Variants in ADGRA2 observed in about 807,000 individuals in gnomAD.
ADGRA2 encodes the protein adhesion G protein-coupled receptor A2.
A neutral mutation model predicts 98.7 loss-of-function variants in ADGRA2; 61 were observed. That is an observed-to-expected ratio of 0.62 (90% CI 0.50 to 0.76). The LOEUF is 0.76. Ranked by LOEUF, ADGRA2 falls within the 30% of genes least tolerant of loss-of-function variation. The probability of loss-of-function intolerance (pLI) is 0.00; values close to 1 mark genes in which losing one functional copy is unlikely to be tolerated. For missense variants in ADGRA2, 1,712 were observed against 1,860.0 expected (o/e 0.92, Z 1.46); for synonymous variants, 858 against 831.5 (o/e 1.03, Z -0.55).
At position 37,802,991 on chromosome 8, in the gene ADGRA2, T is replaced by C. The variant is rs181587672; in HGVS notation, c.266+5457T>C. On this transcript the variant is annotated intron_variant, in intron 1 of 18. Transcript: ENST00000412232. This position sits in a 1 kb window ranked among gnomAD's most constrained non-coding sequence, Gnocchi z 4.7. ...TCCTGAAGCCACCGAAGTCCCTGCC[T>C]GCTGGCTACCACGGCTCTCCCCTCT... Among the ~76,000 whole-genome samples the C allele has an allele frequency of 6.6e-6, 1 of 152,296 alleles. No homozygotes were observed. The highest frequency in any genetic ancestry group is 2.4e-5 in the African/African-American group (1 of 41,552).
At position 37,797,632 on chromosome 8, in the gene ADGRA2, C is replaced by G; in HGVS notation, c.266+98C>G. 1.8e-6 allele frequency: 2 copies of G among 1,133,950 alleles called. No individual in the cohort carries two copies. The highest frequency in any genetic ancestry group is 3.2e-5 in the East Asian group (1 of 31,188). 70.2% of individuals were successfully genotyped at this position (1,133,950 alleles called of 1,614,324 possible). On this transcript the variant is annotated intron_variant, in intron 1 of 18. Coordinates refer to ENST00000412232, the MANE Select transcript of ADGRA2 (RefSeq NM_032777.10). The surrounding 1 kb of genome is among the most constrained non-coding windows in gnomAD (Gnocchi z 5.3). ...GAGCAGGGGGAAGGGGGCTATCCCC[C>G]CACTTCAGAGATTTCTGGACAGGCC...
rs57065321 is a variant in ADGRA2 at position 37,839,337 on chromosome 8, T to C, written c.2388-162T>C. On this transcript the variant is annotated intron_variant, in intron 15 of 18. Coordinates refer to ENST00000412232, the MANE Select transcript of ADGRA2 (RefSeq NM_032777.10). ...CTCACCCATTGGGGTTGGAATCACT[T>C]TGAGGGGTTAAGGACTCCCTACCCT... 1.3e-3 allele frequency: 1,114 copies of C among 877,574 alleles called. 13 individuals carry two copies. In the African/African-American group the frequency reaches 0.019, roughly 15 times the overall value. 54.4% of individuals were successfully genotyped at this position (877,574 alleles called of 1,614,324 possible). A position where few individuals can be genotyped will look rare whatever the true frequency, so the allele number is the denominator to read the frequency against.
intron 1 of ADGRA2, among the ~76,000 whole-genome samples, chr8:37,808,580 G>C (rs1804742822): frequency 6.6e-6 from 1 of 151,926 alleles, no homozygotes; most frequent in African/African-American, 2.4e-5. Context: ...GTGTGTGTGT[G>C]TGTGTGTGCA....
rs913163300 is a variant in ADGRA2 at position 37,840,031 on chromosome 8, G to T, written c.2512-90G>T. On this transcript the variant is annotated intron_variant, in intron 16 of 18. Transcript: ENST00000412232. ...TAAAAAAGCTGGGGGCCGGAGGCTG[G>T]AAGCCTGGGAGGACACCAGCAGGAC... 7 of 1,262,686 alleles carry T rather than the reference G, an allele frequency of 5.5e-6. No homozygotes were observed. In the African/African-American group the frequency reaches 1.0e-4, roughly 19 times the overall value. The allele number at this position is 1,262,686 out of a possible 1,614,324, so 78.2% of individuals were successfully genotyped here. A position where few individuals can be genotyped will look rare whatever the true frequency, so the allele number is the denominator to read the frequency against.
At chr8:37,817,181 G>A (rs1287574810) in intron 2 of ADGRA2, among the ~76,000 whole-genome samples, 1 of 152,210 alleles carries the variant, frequency 6.6e-6, no homozygotes, top group East Asian at 1.9e-4. Flanking sequence ...GGAGGAAAGA[G>A]TGATGGCCTG....
At chr8:37,810,048 G>A (rs1804781867) in intron 1 of ADGRA2, among the ~76,000 whole-genome samples, 1 of 152,174 alleles carries the variant, frequency 6.6e-6, no homozygotes, top group African/African-American at 2.4e-5. Context: ...GAATAGAGTA[G>A]TAGGACATTC....
In ADGRA2 at chr8:37,842,167, C is replaced by T. The variant is rs1471715487; in HGVS notation, c.3829C>T (p.Arg1277Cys). Residue 1277 changes from arginine (R) to cysteine (C), a missense_variant, in exon 19 of 19, where the codon CGC becomes TGC. Physicochemically the swap from Arg to Cys is radical, Grantham distance 180. Coordinates refer to ENST00000412232, the MANE Select transcript of ADGRA2 (RefSeq NM_032777.10). ...GGCAGGCCAGCGCCGCAGCGCCAGC[C>T]GCGACAGTCTCAAGGGCGGCGGCGC... is the stretch of plus-strand genomic sequence containing the variant. Reference protein sequence around the residue: ...GRAGQRRSASRDSLKGGGALE... With the variant: ...GRAGQRRSASCDSLKGGGALE... 3.3e-6 allele frequency: 5 copies of T among 1,529,630 alleles called. No individual in the cohort carries two copies. Among genetic ancestry groups the T allele is most frequent in the Non-Finnish European group, 4.4e-6 (5 of 1,141,280 alleles). 94.8% of individuals were successfully genotyped at this position (1,529,630 alleles called of 1,614,324 possible). A position where few individuals can be genotyped will look rare whatever the true frequency, so the allele number is the denominator to read the frequency against.
chr8:37,797,240 G>A lies in ADGRA2; in HGVS notation c.-29G>A, dbSNP rs367635316. 3.5e-4 allele frequency: 435 copies of A among 1,230,804 alleles called. 8 individuals carry two copies. In the East Asian group the frequency reaches 0.012, roughly 33 times the overall value. The allele number at this position is 1,230,804 out of a possible 1,614,324, so 76.2% of individuals were successfully genotyped here. ...GGCCGGCGCGCAGCCCGGCCCCAGC[G>A]CTGTGGGTCCCCGCGGGGCGATGGG... On this transcript the variant is annotated 5_prime_UTR_variant, in exon 1 of 19. Transcript: ENST00000412232. This position sits in a 1 kb window ranked among gnomAD's most constrained non-coding sequence, Gnocchi z 5.3.
At chr8:37,840,354 T>A in intron 17 of ADGRA2, 88 bp downstream of exon 17, 1 of 1,406,004 alleles carries the variant, frequency 7.1e-7, no homozygotes, top group Non-Finnish European at 9.9e-7. Context: ...AGGGTGAGTC[T>A]AAGGTCCCTG....
Position 37,829,074 on chromosome 8 carries a change from C to T in ADGRA2, c.410+115C>T, listed in dbSNP as rs113393884. The T allele has an allele frequency of 3.6e-5, 30 of 834,094 alleles. 2 individuals carry two copies. The African/African-American group carries it at 3.8e-4, about 10-fold the overall frequency. The allele number at this position is 834,094 out of a possible 1,614,324, so 51.7% of individuals were successfully genotyped here. A position where few individuals can be genotyped will look rare whatever the true frequency, so the allele number is the denominator to read the frequency against. ...CCCCCCCACACCTGCCCCTCCTTTCCGCTTGGGTGCCTTGGCTGGGGTCAA... is the reference window on the plus strand; with the variant it reads ...CCCCCCCACACCTGCCCCTCCTTTCTGCTTGGGTGCCTTGGCTGGGGTCAA... On this transcript the variant is annotated intron_variant, in intron 3 of 18. Coordinates refer to ENST00000412232, the MANE Select transcript of ADGRA2 (RefSeq NM_032777.10).
At position 37,834,094 on chromosome 8, in the gene ADGRA2, C is replaced by G. The variant is rs774475444; in HGVS notation, c.1574C>G (p.Ala525Gly). Residue 525 changes from alanine to glycine, a missense_variant, in exon 11 of 19, where the codon GCC becomes GGC. Physicochemically the swap from Ala to Gly is moderately conservative, Grantham distance 60. Transcript: ENST00000412232. The surrounding 1 kb of genome is among the most constrained non-coding windows in gnomAD (Gnocchi z 4.2). Reference protein sequence around the residue: ...IVGALERIGGAALSPHAQHIS... With the variant: ...IVGALERIGGGALSPHAQHIS... The stretch of plus-strand genomic sequence containing the variant: ...GGTGCCCTGGAGCGCATTGGGGGGG[C>G]CGCCCTCAGCCCCCATGCCCAGCAC... The G allele has an allele frequency of 1.9e-6, 3 of 1,612,264 alleles. No individual in the cohort carries two copies. Among genetic ancestry groups the G allele is most frequent in the Admixed American group, 1.7e-5 (1 of 59,976 alleles).
At chr8:37,804,132 C>CACACACACACACAT (rs1804591860) in intron 1 of ADGRA2, among the ~76,000 whole-genome samples, 1 of 151,194 alleles carries the variant, frequency 6.6e-6, no homozygotes, top group African/African-American at 2.4e-5. Context: ...CACACACACA[C>CACACACACACACAT]ACACACACAC....
chr8:37,844,072 G>T lies in ADGRA2; in HGVS notation c.*1717G>T, dbSNP rs761862563. On this transcript the variant is annotated 3_prime_UTR_variant, in exon 19 of 19. Transcript: ENST00000412232. ...TTGCCTGTGAATGCACGTAGGGCCA[G>T]AATTCCCCAGTTCCCGCTCCTCTGA... 2.1e-5 allele frequency: 4 copies of T among 192,060 alleles called. No homozygotes were observed. The East Asian group carries it at 3.6e-4, about 17-fold the overall frequency. 11.9% of individuals were successfully genotyped at this position (192,060 alleles called of 1,614,324 possible).
rs1481382148 is a variant in ADGRA2, at chr8:37,834,541, C to A, written c.1608+413C>A. Among the ~76,000 whole-genome samples, 1 of 152,184 alleles carries A rather than the reference C, an allele frequency of 6.6e-6. No individual in the cohort carries two copies. On this transcript the variant is annotated intron_variant, in intron 11 of 18. Transcript: ENST00000412232. The surrounding 1 kb of genome is among the most constrained non-coding windows in gnomAD (Gnocchi z 4.2). ...TGTATGTTCAAGATATTGTGCTAGG[C>A]CCTTGGGGCGATGCAAAGGGGTGAG...
At chr8:37,826,475 C>T (rs1471962510) in intron 2 of ADGRA2, among the ~76,000 whole-genome samples, 1 of 152,202 alleles carries the variant, frequency 6.6e-6, no homozygotes, top group East Asian at 1.9e-4. Flanking sequence ...CAGCACACCC[C>T]AGCATGGAAG....
chr8:37,833,708 T>A lies in ADGRA2; in HGVS notation c.1317T>A (p.Asn439Lys), dbSNP rs1460933135. ...TFVLMPINASNALTLAHQLRV... is the reference protein window; with the variant it reads ...TFVLMPINASKALTLAHQLRV... ...CCCAGATGCCCATCAATGCCTCCAA[T>A]GCGCTGACCCTGGCTCACCAGCTGC... Residue 439 changes from asparagine (N) to lysine (K), a missense_variant, in exon 10 of 19, where the codon AAT (asparagine) becomes AAA (lysine). Transcript: ENST00000412232. 3 of 1,614,156 alleles carry A rather than the reference T, an allele frequency of 1.9e-6. No individual in the cohort carries two copies. In the South Asian group the frequency reaches 3.3e-5, roughly 18 times the overall value.
In ADGRA2 at chr8:37,830,773, G is replaced by T; in HGVS notation, c.782G>T (p.Gly261Val). ...IPSLRQVVFQ[G>V]DRLPFQCSAS... ...TCCCTACGCCAAGTGGTGTTCCAGG[G>T]GGATCGGCTGCCCTTCCAGTGCTCT... The change falls in exon 7 of 19, where the codon GGG (glycine) becomes GTG (valine). Residue 261 changes from glycine to valine, a missense_variant. Transcript: ENST00000412232. This position sits in a 1 kb window ranked among gnomAD's most constrained non-coding sequence, Gnocchi z 4.8. 1 of 1,600,412 alleles carries T rather than the reference G, an allele frequency of 6.2e-7. No homozygotes were observed. Among genetic ancestry groups the T allele is most frequent in the East Asian group, 2.3e-5 (1 of 44,026 alleles).
intron 2 of ADGRA2, among the ~76,000 whole-genome samples, chr8:37,823,805 G>A (rs182522319): frequency 8.5e-5 from 13 of 152,176 alleles, no homozygotes; most frequent in Non-Finnish European, 1.9e-4. Flanking sequence ...TGCTGGTGAT[G>A]TTGAGCATCT....
At chr8:37,799,387 A>G (rs1804433985) in intron 1 of ADGRA2, among the ~76,000 whole-genome samples, 1 of 151,950 alleles carries the variant, frequency 6.6e-6, no homozygotes, top group African/African-American at 2.4e-5. Context: ...AAAAAAAAAA[A>G]AAAGAATTCA....
Sources: allele counts gnomAD v4.1 joint callset (sites outside exome capture counted in the v4.1 genomes callset), GRCh38; gene constraint gnomAD v4.1.1; non-coding constraint Gnocchi (gnomAD v3.1); transcripts MANE v1.5; gene names NCBI Gene and HGNC (gene_info 2026-07-23, HGNC 2026-07-21).